GSG1L: variants seen among roughly 807,000 people sequenced by gnomAD.
The protein encoded by GSG1L is germ cell-specific gene 1-like protein.
A neutral mutation model predicts 42.1 loss-of-function variants in GSG1L; 24 were observed. That is an observed-to-expected ratio of 0.57 (90% CI 0.41 to 0.80). GSG1L has a LOEUF of 0.80. Among genes scored for constraint, GSG1L ranks in the 30% least tolerant of loss-of-function variants. GSG1L has a pLI of 0.00. For synonymous variants in GSG1L, 215 were observed against 203.5 expected (o/e 1.06, Z -0.48); for missense variants, 445 against 472.2 (o/e 0.94, Z 0.53).
At chr16:27,807,685 G>A (rs1374945644) in intron 5 of GSG1L, 131 bp from the exon 6 acceptor site, 9 of 685,284 alleles carry the variant, frequency 1.3e-5, no homozygotes, top group Non-Finnish European at 2.5e-6. Flanking sequence ...CTTTCCACCT[G>A]CTGCCCTGGG....
At chr16:27,930,878 C>T (rs2084649442) in intron 2 of GSG1L, among the ~76,000 whole-genome samples, 3 of 152,154 alleles carry the variant, frequency 2.0e-5, no homozygotes, top group Admixed American at 6.6e-5. Flanking sequence ...ACATGCACCA[C>T]ATGCCTGGCT....
At chr16:27,809,592 C>A (rs7188311) in intron 5 of GSG1L, among the ~76,000 whole-genome samples, 27,717 of 144,828 alleles carry the variant, frequency 0.19, 2,650 homozygotes, top group African/African-American at 0.28. Context: ...AAAAAAAAAA[C>A]CAATCATTAT....
intron 5 of GSG1L, among the ~76,000 whole-genome samples, chr16:27,809,493 G>A (rs910245840): frequency 2.0e-5 from 3 of 151,854 alleles, no homozygotes; most frequent in Non-Finnish European, 4.4e-5. Flanking sequence ...TGGGAGGATC[G>A]CTTGAGCCCA....
At chr16:27,848,479 A>C (rs1317710900) in intron 3 of GSG1L, among the ~76,000 whole-genome samples, 3 of 152,176 alleles carry the variant, frequency 2.0e-5, no homozygotes, top group Admixed American at 2.0e-4. Flanking sequence ...TTTATCATGT[A>C]TTCATTCAAT....
chr16:27,952,673 A>G (rs2084963135), intron 2 of GSG1L, among the ~76,000 whole-genome samples: 1 of 152,234 alleles, frequency 6.6e-6, no homozygotes, highest in Admixed American at 6.5e-5. Context: ...TGTATGTTTG[A>G]GAGCCATGCA....
intron 1 of GSG1L, among the ~76,000 whole-genome samples, chr16:27,982,483 A>G (rs2085336947): frequency 6.6e-6 from 1 of 151,914 alleles, no homozygotes; most frequent in South Asian, 2.1e-4. Flanking sequence ...AAATGGGTGT[A>G]CTCTCTCTTT....
At chr16:27,938,816 C>T (rs2084751320) in intron 2 of GSG1L, among the ~76,000 whole-genome samples, 1 of 152,192 alleles carries the variant, frequency 6.6e-6, no homozygotes, top group Admixed American at 6.5e-5. Context: ...TCAGACTCCT[C>T]TGGCAAGAAA....
intron 1 of GSG1L, among the ~76,000 whole-genome samples, chr16:28,000,837 T>C (rs921181256): frequency 4.6e-5 from 7 of 152,174 alleles, no homozygotes; most frequent in Non-Finnish European, 8.8e-5. Context: ...TAGTTTAAAA[T>C]TGTAATAAAA....
At chr16:27,962,518 T>C (rs2085082089) in intron 2 of GSG1L, among the ~76,000 whole-genome samples, 1 of 152,220 alleles carries the variant, frequency 6.6e-6, no homozygotes, top group African/African-American at 2.4e-5. Context: ...TTTCAAACTT[T>C]TATAAAGGAG....
chr16:27,922,425 T>A (rs1404720721), intron 2 of GSG1L, among the ~76,000 whole-genome samples: 1 of 152,226 alleles, frequency 6.6e-6, no homozygotes, highest in Admixed American at 6.5e-5. Flanking sequence ...ATATACTTTC[T>A]ATTTAACCTA....
chr16:27,829,432 G>A (rs2083251669), intron 4 of GSG1L, among the ~76,000 whole-genome samples: 1 of 152,190 alleles, frequency 6.6e-6, no homozygotes, highest in African/African-American at 2.4e-5. Context: ...TGGAGTTGGT[G>A]ATGGGGAAGG....
intron 1 of GSG1L, among the ~76,000 whole-genome samples, chr16:27,994,299 G>A (rs114579440): frequency 6.6e-6 from 1 of 151,966 alleles, no homozygotes; most frequent in Admixed American, 6.6e-5. Context: ...AGGTCCCTTG[G>A]GGGGGTTCAG....
At chr16:27,988,961 G>A (rs1483361290) in intron 1 of GSG1L, among the ~76,000 whole-genome samples, 2 of 150,904 alleles carry the variant, frequency 1.3e-5, no homozygotes, top group East Asian at 2.0e-4. Context: ...GCTGAGGCAG[G>A]AGAATTGCTT....
intron 1 of GSG1L, among the ~76,000 whole-genome samples, chr16:28,056,802 T>A (rs956247812): frequency 1.3e-5 from 2 of 151,534 alleles, no homozygotes; most frequent in East Asian, 2.0e-4. Flanking sequence ...AGCAGGGAGA[T>A]GGATGATAGA....
chr16:27,999,542 T>C (rs1468090081), intron 1 of GSG1L, among the ~76,000 whole-genome samples: 1 of 152,260 alleles, frequency 6.6e-6, no homozygotes, highest in Non-Finnish European at 1.5e-5. Flanking sequence ...GGGAACTCTA[T>C]AAATATTTGC....
intron 5 of GSG1L, 65 bp from the exon 6 acceptor site, chr16:27,807,619 C>A: frequency 7.1e-7 from 1 of 1,403,102 alleles, no homozygotes; most frequent in Non-Finnish European, 9.8e-7. Flanking sequence ...TGGGCAGAGA[C>A]CCAAAACCTG....
At chr16:27,815,186 G>T (rs2083081339) in intron 5 of GSG1L, among the ~76,000 whole-genome samples, 1 of 152,140 alleles carries the variant, frequency 6.6e-6, no homozygotes. Flanking sequence ...ATGCTGAAAC[G>T]TGATCCCCAA....
intron 2 of GSG1L, chr16:27,888,025 C>A (rs1391264174): frequency 3.4e-6 from 3 of 873,756 alleles, no homozygotes; most frequent in African/African-American, 1.8e-5. Flanking sequence ...GTGGCCGCCC[C>A]CAGGAGGTTT....
intron 1 of GSG1L, among the ~76,000 whole-genome samples, chr16:28,035,946 T>G (rs2086030282): frequency 6.6e-6 from 1 of 152,216 alleles, no homozygotes; most frequent in African/African-American, 2.4e-5. Context: ...ACTGGGCCCT[T>G]CTGACCGAAA....
Sources: allele counts gnomAD v4.1 joint callset (sites outside exome capture counted in the v4.1 genomes callset), GRCh38; gene constraint gnomAD v4.1.1; transcripts MANE v1.5; gene names NCBI Gene and HGNC (gene_info 2026-07-23, HGNC 2026-07-21).